Variants in ZNF8 observed in about 807,000 individuals in gnomAD.
ZNF8 encodes zinc finger protein 8.
A neutral mutation model predicts 12.2 loss-of-function variants in ZNF8; 9 were observed. The observed-to-expected ratio is 0.73, with a 90% CI of 0.44 to 1.28. ZNF8 has a LOEUF of 1.28. ZNF8 is among the 50% of genes most tolerant of loss of function. The pLI is 0.00. For missense variants in ZNF8, 664 were observed against 729.1 expected (o/e 0.91, Z 1.03); for synonymous variants, 274 against 282.3 (o/e 0.97, Z 0.30).
rs1357100219 is a variant in ZNF8 at position 58,295,714 on chromosome 19, G to A, written c.*178G>A. ...TGGTCCCAAATCTATCAAACTCAGT[G>A]CCCTCTTTAGCGACATATTTTGTGA... On this transcript the variant is annotated 3_prime_UTR_variant, in exon 4 of 4. Coordinates refer to ENST00000621650, the MANE Select transcript of ZNF8 (RefSeq NM_021089.3). The A allele has an allele frequency of 1.7e-6, 1 of 580,844 alleles. No homozygotes were observed. The highest frequency in any genetic ancestry group is 2.9e-5 in the East Asian group (1 of 34,940). The allele number at this position is 580,844 out of a possible 1,614,324, so 36.0% of individuals were successfully genotyped here.
At chr19:58,291,542 C>T (rs529359814) in intron 3 of ZNF8, among the ~76,000 whole-genome samples, 2 of 152,306 alleles carry the variant, frequency 1.3e-5, no homozygotes, top group South Asian at 4.1e-4. Context: ...CAGGCAGTCT[C>T]CCAGCTCACG....
At chr19:58,288,606 T>G (rs2051398960) in intron 3 of ZNF8, among the ~76,000 whole-genome samples, 1 of 152,188 alleles carries the variant, frequency 6.6e-6, no homozygotes, top group African/African-American at 2.4e-5. Context: ...CATAATTGGC[T>G]TGGGCGAGTC....
At chr19:58,279,505 G>T in intron 1 of ZNF8, 5 of 1,488,768 alleles carry the variant, frequency 3.4e-6, no homozygotes, top group Non-Finnish European at 4.4e-6. Context: ...ACTGATAACA[G>T]TAATTGTAGC....
chr19:58,295,281 A>G lies in ZNF8; in HGVS notation c.1473A>G (p.Arg491=). 1 of 1,614,234 alleles carries G rather than the reference A, an allele frequency of 6.2e-7. No homozygotes were observed. The highest frequency in any genetic ancestry group is 8.5e-7 in the Non-Finnish European group (1 of 1,180,042). Residue 491 remains arginine (R), a synonymous_variant, in exon 4 of 4, where the codon AGA becomes AGG. Transcript: ENST00000621650. The part of the protein sequence containing the change: ...HLIRHQITHT[R]EEQPHGRSRR... ...TCCGGCACCAGATAACTCACACCAG[A>G]GAGGAGCAGCCCCATGGGCGAAGCC...
At chr19:58,290,193 A>G (rs2051409916) in intron 3 of ZNF8, among the ~76,000 whole-genome samples, 1 of 133,496 alleles carries the variant, frequency 7.5e-6, no homozygotes, top group African/African-American at 2.8e-5. Flanking sequence ...GGCTCATTGC[A>G]AGCTCCGCCT....
At chr19:58,290,087 CGCCTG>C in intron 3 of ZNF8, among the ~76,000 whole-genome samples, 1 of 145,690 alleles carries the variant, frequency 6.9e-6, no homozygotes, top group Non-Finnish European at 1.5e-5. Flanking sequence ...TGAGCCACCG[CGCCTG>C]GCCCATTTCA....
chr19:58,279,797 C>T, intron 1 of ZNF8: 1 of 1,453,720 alleles, frequency 6.9e-7, no homozygotes, highest in African/African-American at 1.4e-5. Flanking sequence ...TGGTTGCGGC[C>T]TGTGTTCTCC....
At chr19:58,281,265 AAG>A (rs2051349199) in intron 1 of ZNF8, among the ~76,000 whole-genome samples, 1 of 152,086 alleles carries the variant, frequency 6.6e-6, no homozygotes. Context: ...CAGTGGGAAA[AAG>A]AGAGGAGTGG....
chr19:58,285,954 G>A, intron 2 of ZNF8, 111 bp downstream of exon 2: 1 of 1,458,540 alleles, frequency 6.9e-7, no homozygotes, highest in Non-Finnish European at 9.4e-7. Context: ...GGGAGTGCAT[G>A]AAGAGGGAGG....
chr19:58,288,933 C>T (rs1245177424), intron 3 of ZNF8, among the ~76,000 whole-genome samples: 1 of 151,944 alleles, frequency 6.6e-6, no homozygotes, highest in Non-Finnish European at 1.5e-5. Context: ...GCCTGTCACT[C>T]ACAAGTCTTA....
rs1251785797 is a variant in ZNF8, at chr19:58,285,848, GC to G, written c.193+8del. On this transcript the variant is annotated splice_donor_region_variant and intron_variant, in intron 2 of 3. Transcript: ENST00000621650. ...TTGGTCACCTGCTCTCCATAGGTAA[GC>G]CCTGCTTCGCAAGGTGTGATAGCTG... is the stretch of plus-strand genomic sequence containing the variant. 6 of 1,603,694 alleles carry G rather than the reference GC, an allele frequency of 3.7e-6. No homozygotes were observed. Among genetic ancestry groups the G allele is most frequent in the Non-Finnish European group, 5.1e-6 (6 of 1,174,456 alleles).
chr19:58,299,744 G>C lies in ZNF8; in HGVS notation c.*4208G>C, dbSNP rs937105667. ...AGATAGTGCCTCTGCACTCCAGCCT[G>C]GGTGACAGAGCTAGACTCCATCTCG... On this transcript the variant is annotated 3_prime_UTR_variant, in exon 4 of 4. Transcript: ENST00000621650. 1 of 151,942 alleles carries C rather than the reference G, an allele frequency of 6.6e-6. No individual in the cohort carries two copies. Among genetic ancestry groups the C allele is most frequent in the Non-Finnish European group, 1.5e-5 (1 of 67,978 alleles). 9.4% of individuals were successfully genotyped at this position (151,942 alleles called of 1,614,324 possible).
chr19:58,292,519 A>T (rs947426648), intron 3 of ZNF8, among the ~76,000 whole-genome samples: 1 of 152,184 alleles, frequency 6.6e-6, no homozygotes, highest in Non-Finnish European at 1.5e-5. Flanking sequence ...TACCCTCACA[A>T]TGGGGATTAG....
chr19:58,295,569 A>G lies in ZNF8; in HGVS notation c.*33A>G, dbSNP rs760338063. On this transcript the variant is annotated 3_prime_UTR_variant, in exon 4 of 4. Transcript: ENST00000621650. ...ACTTTGCTGATGACTTTTAACCACA[A>G]GTAAAAAATGTGGTAAGTCCACATA... The G allele has an allele frequency of 3.9e-6, 6 of 1,525,214 alleles. No homozygotes were observed. The highest frequency in any genetic ancestry group is 5.3e-6 in the Non-Finnish European group (6 of 1,124,574). The allele number at this position is 1,525,214 out of a possible 1,614,324, so 94.5% of individuals were successfully genotyped here.
intron 3 of ZNF8, among the ~76,000 whole-genome samples, chr19:58,288,747 C>T (rs1338608632): frequency 6.6e-6 from 1 of 152,152 alleles, no homozygotes; most frequent in Non-Finnish European, 1.5e-5. Context: ...TGATGCCACC[C>T]AGGGCTTTCT....
chr19:58,282,637 T>A (rs10421600), intron 1 of ZNF8, among the ~76,000 whole-genome samples: 40,842 of 151,822 alleles, frequency 0.27, 5,963 homozygotes, highest in African/African-American at 0.39. Flanking sequence ...ATTTAATTTT[T>A]TTTTTTTTGA....
intron 1 of ZNF8, 45 bp from the exon 2 acceptor site, chr19:58,285,671 CT>C (rs1319847311): frequency 6.2e-7 from 1 of 1,614,070 alleles, no homozygotes; most frequent in East Asian, 2.2e-5. Flanking sequence ...CCAGAAAGCA[CT>C]GATGGAGATA....
chr19:58,291,081 C>A (rs2051416578), intron 3 of ZNF8, among the ~76,000 whole-genome samples: 1 of 152,124 alleles, frequency 6.6e-6, no homozygotes, highest in African/African-American at 2.4e-5. Flanking sequence ...GATCCCACTC[C>A]CAGTGCACTC....
Position 58,286,146 on chromosome 19 carries a change from T to C in ZNF8, c.230T>C (p.Leu77Pro). The change falls in exon 3 of 4, where the codon CTG becomes CCG. Residue 77 changes from leucine (L) to proline (P), a missense_variant. Transcript: ENST00000621650. The stretch of plus-strand genomic sequence containing the variant: ...CCGAAGCCTGAAGTCATCTCCCAGC[T>C]GGAGCAAGGGACCGAGCTATGGGTG... ...ELPKPEVISQ[L>P]EQGTELWVAE... The C allele has an allele frequency of 1.9e-6, 3 of 1,614,170 alleles. No homozygotes were observed. The highest frequency in any genetic ancestry group is 2.5e-6 in the Non-Finnish European group (3 of 1,180,018).
Sources: gnomAD v4.1 joint callset for allele counts (sites outside exome capture counted in the v4.1 genomes callset) on GRCh38, gnomAD v4.1.1 for gene constraint, MANE v1.5 for transcripts, NCBI Gene and HGNC (gene_info 2026-07-23, HGNC 2026-07-21) for gene names.